LY75: variants seen among roughly 807,000 people sequenced by gnomAD.
The protein encoded by LY75 is C-type lectin domain family 13 member B.
Under a neutral mutation model 231.7 loss-of-function variants are expected in LY75, and 185 were observed. The ratio of observed to expected loss-of-function variants is 0.80; its 90% CI spans 0.71 to 0.90. The LOEUF (loss-of-function observed/expected upper bound fraction) is 0.90, where lower values mean the gene tolerates loss of function less well. LY75 is among the 40% of genes least tolerant of loss of function. The probability of loss-of-function intolerance (pLI) is 0.00; values close to 1 mark genes in which losing one functional copy is unlikely to be tolerated. For synonymous variants in LY75, 668 were observed against 689.0 expected, an observed-to-expected ratio of 0.97 and a Z score of 0.48; for missense variants, 1,947 against 2,050.2, an observed-to-expected ratio of 0.95 and a Z score of 0.97.
At chr2:159,867,995 T>C (rs1028573029) in intron 13 of LY75, among the ~76,000 whole-genome samples, 1 of 152,232 alleles carries the variant, frequency 6.6e-6, no homozygotes, top group Non-Finnish European at 1.5e-5. Context: ...AATGGATATC[T>C]TGCTGAGAAA....
chr2:159,834,858 T>C (rs1047913163), intron 26 of LY75, among the ~76,000 whole-genome samples: 7 of 152,212 alleles, frequency 4.6e-5, no homozygotes, highest in African/African-American at 1.2e-4. Flanking sequence ...AGTCCCTTTG[T>C]CCATGAAGCA....
chr2:159,819,943 T>A, intron 28 of LY75, 23 bp from the exon 29 acceptor site: 2 of 1,292,094 alleles, frequency 1.5e-6, no homozygotes, highest in Non-Finnish European at 2.2e-6. Context: ...CATTTTTTCC[T>A]ATGCTTAGAG....
chr2:159,874,737 GTAAA>G (rs372549758), intron 12 of LY75, among the ~76,000 whole-genome samples: 1 of 1,848 alleles, frequency 5.4e-4, no homozygotes, highest in Non-Finnish European at 1.5e-3. Flanking sequence ...GTAAATATAT[GTAAA>G]TATATATATT....
intron 11 of LY75, 48 bp from the exon 12 acceptor site, chr2:159,875,691 C>G: frequency 6.2e-7 from 1 of 1,603,150 alleles, no homozygotes. Flanking sequence ...CGTTAAAGTT[C>G]AAACATTTTC....
intron 18 of LY75, among the ~76,000 whole-genome samples, chr2:159,853,898 T>C (rs1684475157): frequency 6.6e-6 from 1 of 152,222 alleles, no homozygotes; most frequent in African/African-American, 2.4e-5. Flanking sequence ...CTATTGTGGG[T>C]ACAGGAAATA....
intron 8 of LY75, among the ~76,000 whole-genome samples, chr2:159,880,415 A>G (rs1685399381): frequency 6.6e-6 from 1 of 152,212 alleles, no homozygotes; most frequent in Non-Finnish European, 1.5e-5. Context: ...TGAATTTGGA[A>G]GATGGGATTT....
chr2:159,894,091 T>A lies in LY75; in HGVS notation c.467-7A>T, dbSNP rs753495483. On this transcript the variant is annotated splice_region_variant and splice_polypyrimidine_tract_variant and intron_variant, in intron 2 of 34. Coordinates refer to ENST00000263636, the MANE Select transcript of LY75 (RefSeq NM_002349.4). ...CCATCTCTGGTATAGATCTCTGGGT[T>A]GGAGAGGAAGTTGGGGAAAAGAGAG... is the stretch of plus-strand genomic sequence containing the variant. 5 of 1,585,410 alleles carry A rather than the reference T, an allele frequency of 3.2e-6. No homozygotes were observed. The East Asian group carries it at 1.1e-4, about 36-fold the overall frequency.
intron 28 of LY75, among the ~76,000 whole-genome samples, chr2:159,821,349 C>T (rs1192351289): frequency 6.6e-6 from 1 of 152,092 alleles, no homozygotes; most frequent in Non-Finnish European, 1.5e-5. Context: ...GGCATGGTGG[C>T]TCACCCCTGT....
At chr2:159,881,395 G>T in intron 7 of LY75, 155 bp from the exon 8 acceptor site, 1 of 514,438 alleles carries the variant, frequency 1.9e-6, no homozygotes, top group Non-Finnish European at 2.5e-6. Context: ...CAGGCAGGTT[G>T]GGTAATGAAG....
chr2:159,825,972 A>G (rs948779506), intron 28 of LY75, among the ~76,000 whole-genome samples: 1 of 152,204 alleles, frequency 6.6e-6, no homozygotes, highest in African/African-American at 2.4e-5. Context: ...AATAAGAGCT[A>G]TTCATGATAA....
At chr2:159,889,390 T>C (rs1339555102) in intron 4 of LY75, among the ~76,000 whole-genome samples, 7 of 152,056 alleles carry the variant, frequency 4.6e-5, no homozygotes, top group Non-Finnish European at 7.4e-5. Flanking sequence ...CAACAGCCAA[T>C]TAAAAAAAAA....
chr2:159,827,981 A>G (rs1683528255), intron 28 of LY75, among the ~76,000 whole-genome samples: 1 of 152,136 alleles, frequency 6.6e-6, no homozygotes, highest in Non-Finnish European at 1.5e-5. Flanking sequence ...GGGGAGGGAT[A>G]ACATTAGGAG....
rs183927336 is a variant in LY75 at position 159,899,154 on chromosome 2, C to T, written c.95-95G>A. On this transcript the variant is annotated intron_variant, in intron 1 of 34. Coordinates refer to ENST00000263636, the MANE Select transcript of LY75 (RefSeq NM_002349.4). ...AGTCTGAGCACTACTGGACTGTTCC[C>T]ATCCTCAGTCTGTTCCCACTCTTTT... is the stretch of plus-strand genomic sequence containing the variant. The T allele has an allele frequency of 5.9e-5, 90 of 1,520,160 alleles. No individual in the cohort carries two copies. In the African/African-American group the frequency reaches 1.1e-3, roughly 19 times the overall value. 94.2% of individuals were successfully genotyped at this position (1,520,160 alleles called of 1,614,324 possible).
chr2:159,819,024 A>G (rs1291989354), intron 29 of LY75, among the ~76,000 whole-genome samples: 3 of 152,200 alleles, frequency 2.0e-5, no homozygotes, highest in Non-Finnish European at 2.9e-5. Context: ...TCAAAAGTTT[A>G]CATGCACTCA....
chr2:159,815,883 A>G (rs1260834218), intron 30 of LY75, among the ~76,000 whole-genome samples: 1 of 152,190 alleles, frequency 6.6e-6, no homozygotes, highest in African/African-American at 2.4e-5. Context: ...AATGGCTTCC[A>G]TTTGTCATAA....
At position 159,878,392 on chromosome 2, in the gene LY75, T is replaced by C; in HGVS notation, c.1706A>G (p.Tyr569Cys). The C allele has an allele frequency of 6.2e-7, 1 of 1,614,172 alleles. No homozygotes were observed. The highest frequency in any genetic ancestry group is 8.5e-7 in the Non-Finnish European group (1 of 1,180,014). The change falls in exon 11 of 35, where the codon TAT (tyrosine) becomes TGT (cysteine). Residue 569 changes from tyrosine to cysteine, a missense_variant. By Grantham distance (194) the Tyr-to-Cys change is radical. Coordinates refer to ENST00000263636, the MANE Select transcript of LY75 (RefSeq NM_002349.4). ...GLRDVDSCGE[Y>C]NWATVGGRRR... ...TCTTCCACCAACAGTTGCCCAGTTA[T>C]ACTCTCCACAAGAATCTACATCTCT...
At chr2:159,827,176 T>A (rs758169508) in intron 28 of LY75, among the ~76,000 whole-genome samples, 1 of 152,114 alleles carries the variant, frequency 6.6e-6, no homozygotes, top group Non-Finnish European at 1.5e-5. Context: ...ACAGGCAACA[T>A]ACAAAATGAG....
intron 1 of LY75, among the ~76,000 whole-genome samples, chr2:159,902,033 C>T (rs2125888369): frequency 6.6e-6 from 1 of 152,138 alleles, no homozygotes; most frequent in African/African-American, 2.4e-5. Flanking sequence ...GAACATAATC[C>T]CTTATTTAGA....
chr2:159,860,778 G>A, intron 15 of LY75, 43 bp downstream of exon 15: 2 of 1,605,556 alleles, frequency 1.2e-6, no homozygotes, highest in East Asian at 2.2e-5. Context: ...TATGATGATG[G>A]ACTTATGTTT....
Sources: allele counts gnomAD v4.1 joint callset (sites outside exome capture counted in the v4.1 genomes callset), GRCh38; gene constraint gnomAD v4.1.1; transcripts MANE v1.5; gene names NCBI Gene and HGNC (gene_info 2026-07-23, HGNC 2026-07-21).